The following SMARCC1 variants were observed in gnomAD, a reference collection of about 807,000 sequenced individuals.
The protein encoded by SMARCC1 is SWI/SNF complex subunit SMARCC1.
In SMARCC1, 43 loss-of-function variants were observed where a neutral mutation model predicts 147.4. The ratio of observed to expected loss-of-function variants is 0.29; its 90% CI spans 0.23 to 0.38. The LOEUF (loss-of-function observed/expected upper bound fraction) is 0.38, where lower values mean the gene tolerates loss of function less well. Among genes scored for constraint, SMARCC1 ranks in the 10% least tolerant of loss-of-function variants. The pLI is 1.00. For missense variants in SMARCC1, 1,119 were observed against 1,381.1 expected (o/e 0.81, Z 3.01); for synonymous variants, 495 against 484.4 (o/e 1.02, Z -0.29).
rs1038637480 is a variant in SMARCC1, at chr3:47,752,387, A to C, written c.316-6394T>G. 6.6e-5 allele frequency among the ~76,000 whole-genome samples: 10 copies of C among 152,320 alleles called. No individual in the cohort carries two copies. In the East Asian group the frequency reaches 1.9e-3, roughly 29 times the overall value. On this transcript the variant is annotated intron_variant, in intron 2 of 27. Transcript: ENST00000254480. Reference sequence around the variant, plus strand: ...CATCCTATAAACCCCCATGCTGAAGAGGCCCTGCCCTAATTCAAAATGAGT... The same window carrying C: ...CATCCTATAAACCCCCATGCTGAAGCGGCCCTGCCCTAATTCAAAATGAGT...
chr3:47,772,855 C>G lies in SMARCC1; in HGVS notation c.277G>C (p.Gly93Arg). The G allele has an allele frequency of 1.2e-6, 2 of 1,613,300 alleles. No homozygotes were observed. Among genetic ancestry groups the G allele is most frequent in the Non-Finnish European group, 1.7e-6 (2 of 1,179,510 alleles). Residue 93 changes from glycine to arginine, a missense_variant, in exon 2 of 28, where the codon GGG (glycine) becomes CGG (arginine). This residue lies in a region of SMARCC1 where 542 missense variants were observed against 611.8 expected (regional missense o/e 0.89). Transcript: ENST00000254480. ...QLLQFQEDAFGKHVTNPAFTK... is the reference protein window; with the variant it reads ...QLLQFQEDAFRKHVTNPAFTK... ...AAGGCCGGGTTGGTGACATGCTTCC[C>G]AAAGGCATCTTCCTGGAACTGAAGA...
chr3:47,753,181 C>T (rs2034646768), intron 2 of SMARCC1, among the ~76,000 whole-genome samples: 1 of 151,422 alleles, frequency 6.6e-6, no homozygotes, highest in East Asian at 2.0e-4. Flanking sequence ...CCATCTTAGT[C>T]GGACGTGGTG....
In SMARCC1 at chr3:47,628,984, A is replaced by G. The variant is rs576973972; in HGVS notation, c.2646+6206T>C. On this transcript the variant is annotated intron_variant, in intron 24 of 27. Transcript: ENST00000254480. Reference sequence around the variant, plus strand: ...ACTGCAAAACTCTGCTAATTTTTTAATGGAAAAGGAAAAAGACTCAGAAGA... The same window carrying G: ...ACTGCAAAACTCTGCTAATTTTTTAGTGGAAAAGGAAAAAGACTCAGAAGA... 2.6e-5 allele frequency among the ~76,000 whole-genome samples: 4 copies of G among 152,360 alleles called. No individual in the cohort carries two copies. The East Asian group carries it at 7.7e-4, about 29-fold the overall frequency.
intron 1 of SMARCC1, among the ~76,000 whole-genome samples, chr3:47,780,432 G>A (rs1006426423): frequency 6.6e-6 from 1 of 151,996 alleles, no homozygotes; most frequent in African/African-American, 2.4e-5. Flanking sequence ...GGCCTTCCAA[G>A]CCGCGCCCGG....
chr3:47,743,912 T>C (rs1350381636), intron 3 of SMARCC1, among the ~76,000 whole-genome samples: 2 of 151,934 alleles, frequency 1.3e-5, no homozygotes, highest in Non-Finnish European at 1.5e-5. Flanking sequence ...TGGTATTCTA[T>C]CCTCAAGTGT....
At chr3:47,761,993 C>T (rs1404420978) in intron 2 of SMARCC1, among the ~76,000 whole-genome samples, 2 of 152,028 alleles carry the variant, frequency 1.3e-5, no homozygotes, top group Non-Finnish European at 2.9e-5. Context: ...GGTTGACCAG[C>T]CTGGTCCAGA....
intron 13 of SMARCC1, among the ~76,000 whole-genome samples, chr3:47,686,945 C>T (rs1385724755): frequency 6.6e-6 from 1 of 152,112 alleles, no homozygotes; most frequent in Admixed American, 6.6e-5. Flanking sequence ...GTGTTTCCAC[C>T]ACTGCCCTGC....
At chr3:47,691,477 G>A (rs1417916717) in intron 12 of SMARCC1, among the ~76,000 whole-genome samples, 1 of 152,050 alleles carries the variant, frequency 6.6e-6, no homozygotes, top group Non-Finnish European at 1.5e-5. Flanking sequence ...AGCCGGGAGT[G>A]GTGGCAGGCG....
chr3:47,660,349 A>C (rs960141061), intron 21 of SMARCC1, among the ~76,000 whole-genome samples: 1 of 150,778 alleles, frequency 6.6e-6, no homozygotes, highest in African/African-American at 2.4e-5. Context: ...GGGAGGCTGA[A>C]GCAGGAAAAT....
At chr3:47,663,745 C>T (rs764399794) in intron 19 of SMARCC1, 81 of 1,516,162 alleles carry the variant, frequency 5.3e-5, no homozygotes, top group Non-Finnish European at 6.8e-5. Flanking sequence ...ACAAGACCCA[C>T]GAGAACCCGG....
chr3:47,712,340 T>C (rs2034095252), intron 8 of SMARCC1, among the ~76,000 whole-genome samples: 1 of 152,100 alleles, frequency 6.6e-6, no homozygotes, highest in Non-Finnish European at 1.5e-5. Flanking sequence ...AAGGGTTAAT[T>C]AACTGATAGT....
chr3:47,722,608 G>T (rs368060425), intron 6 of SMARCC1, among the ~76,000 whole-genome samples: 80 of 151,988 alleles, frequency 5.3e-4, no homozygotes, highest in African/African-American at 1.8e-3. Context: ...AAAAATTTTT[G>T]ATTTTTATCA....
At chr3:47,602,256 T>A (rs2032399301) in intron 26 of SMARCC1, among the ~76,000 whole-genome samples, 1 of 152,082 alleles carries the variant, frequency 6.6e-6, no homozygotes, top group Non-Finnish European at 1.5e-5. Flanking sequence ...TGCACCACTG[T>A]ACTCCAGGCT....
intron 6 of SMARCC1, among the ~76,000 whole-genome samples, 196 bp downstream of exon 6, chr3:47,728,829 T>C (rs560887888): frequency 1.2e-4 from 18 of 152,168 alleles, no homozygotes; most frequent in Non-Finnish European, 2.2e-4. Flanking sequence ...GAGAATCTCT[T>C]GAACCCGGGA....
intron 6 of SMARCC1, among the ~76,000 whole-genome samples, chr3:47,721,200 T>C (rs2034229142): frequency 6.6e-6 from 1 of 152,208 alleles, no homozygotes; most frequent in African/African-American, 2.4e-5. Context: ...CTGCTTCCTC[T>C]AGATTCCCTT....
chr3:47,713,729 A>G lies in SMARCC1; in HGVS notation c.792+686T>C, dbSNP rs2034119892. On this transcript the variant is annotated intron_variant, in intron 8 of 27. Transcript: ENST00000254480. ...CACATCAAAAGTTGATTAAAAGTCA[A>G]TGTATGGACTCTTATTACATTATGG... Among the ~76,000 whole-genome samples the G allele has an allele frequency of 2.0e-5, 3 of 152,302 alleles. No homozygotes were observed. In the South Asian group the frequency reaches 6.2e-4, roughly 32 times the overall value.
chr3:47,685,883 A>T (rs1430466191), intron 14 of SMARCC1, among the ~76,000 whole-genome samples, 166 bp downstream of exon 14: 1 of 152,086 alleles, frequency 6.6e-6, no homozygotes, highest in Non-Finnish European at 1.5e-5. Flanking sequence ...ACAAACAAAC[A>T]AAAAACACAA....
chr3:47,649,164 G>A (rs1314595728), intron 21 of SMARCC1, among the ~76,000 whole-genome samples: 2 of 152,178 alleles, frequency 1.3e-5, no homozygotes, highest in Admixed American at 6.5e-5. Context: ...CCCACTCCAC[G>A]TGATGTAAGT....
At chr3:47,631,799 C>T (rs762758429) in intron 24 of SMARCC1, among the ~76,000 whole-genome samples, 22 of 152,120 alleles carry the variant, frequency 1.4e-4, no homozygotes, top group Non-Finnish European at 2.5e-4. Context: ...ATAAGAGAAA[C>T]TTGGACTGGC....
Sources: gnomAD v4.1 joint callset for allele counts (sites outside exome capture counted in the v4.1 genomes callset) on GRCh38, gnomAD v4.1.1 for gene constraint, gnomAD v4.1.1 regional missense constraint, MANE v1.5 for transcripts, NCBI Gene and HGNC (gene_info 2026-07-23, HGNC 2026-07-21) for gene names.